Variants in PLG observed in about 807,000 individuals in gnomAD.
PLG encodes the protein plasminogen.
PLG carries 41 observed loss-of-function variants against 104.4 expected under a neutral mutation model. The observed-to-expected ratio is 0.39, with a 90% confidence interval of 0.31 to 0.51. The LOEUF (loss-of-function observed/expected upper bound fraction) is 0.51. Among genes scored for constraint, PLG ranks in the 20% least tolerant of loss-of-function variants. PLG has a pLI of 0.76. For synonymous variants in PLG, 337 were observed against 357.1 expected (o/e 0.94, Z 0.63); for missense variants, 891 against 1,003.6 (o/e 0.89, Z 1.52).
rs1179234154 is a variant in PLG, at chr6:160,718,840, T to TAAGC, written c.1096+6_1096+9dup. The TAAGC allele has an allele frequency of 1.9e-6, 3 of 1,613,630 alleles. No individual in the cohort carries two copies. The African/African-American group carries it at 4.0e-5, about 22-fold the overall frequency. On this transcript the variant is annotated splice_region_variant and intron_variant, in intron 9 of 18. Transcript: ENST00000308192. ...CCACGGAACAATTGGCTCCCACAGG[T>TAAGC]AAGCAAGGGTATGGGAGCTTACTGA...
chr6:160,730,100 G>A (rs987506810), intron 10 of PLG, among the ~76,000 whole-genome samples: 1 of 152,174 alleles, frequency 6.6e-6, no homozygotes, highest in African/African-American at 2.4e-5. Flanking sequence ...TGAGGATTCT[G>A]AGAGGTTGGA....
intron 4 of PLG, chr6:160,711,752 G>A: frequency 6.2e-7 from 1 of 1,602,914 alleles, no homozygotes; most frequent in South Asian, 1.1e-5. Context: ...CCAAATCTGA[G>A]AAAAGATCAA....
intron 5 of PLG, 170 bp downstream of exon 5, chr6:160,713,295 A>T (rs1431331745): frequency 7.9e-6 from 5 of 630,228 alleles, no homozygotes; most frequent in Non-Finnish European, 1.4e-5. Flanking sequence ...TCTGAGACAG[A>T]GTTTTGCTCT....
chr6:160,745,975 C>T lies in PLG; in HGVS notation c.2125+4558C>T, dbSNP rs376963532. ...AGGCCCCAATATCTTCTAGCTTGTA[C>T]GGGTTCAGTTGAGAGGTATGCTGTT... On this transcript the variant is annotated intron_variant, in intron 17 of 18. Coordinates refer to ENST00000308192, the MANE Select transcript of PLG (RefSeq NM_000301.5). Among the ~76,000 whole-genome samples the T allele has an allele frequency of 3.2e-4, 48 of 152,256 alleles. 1 individual carries two copies. Among genetic ancestry groups the T allele is most frequent in the South Asian group, 1.0e-3 (5 of 4,820 alleles).
chr6:160,718,486 T>G (rs374145595), intron 8 of PLG, 30 bp downstream of exon 8: 2 of 1,564,040 alleles, frequency 1.3e-6, no homozygotes, highest in African/African-American at 2.7e-5. Flanking sequence ...ATTCTGCTGC[T>G]ATGGAATGTG....
chr6:160,752,919 T>C lies in PLG; in HGVS notation c.2291T>C (p.Leu764Pro). The C allele has an allele frequency of 6.2e-7, 1 of 1,613,744 alleles. No individual in the cohort carries two copies. The highest frequency in any genetic ancestry group is 8.5e-7 in the Non-Finnish European group (1 of 1,179,684). Residue 764 changes from leucine (L) to proline (P), a missense_variant, in exon 19 of 19, where the codon CTG becomes CCG. Leu to Pro is a moderately conservative substitution (Grantham distance 98, BLOSUM62 -3). Transcript: ENST00000308192. The surrounding 1 kb of genome is among the most constrained non-coding windows in gnomAD (Gnocchi z 4.7). The part of the protein sequence containing the change: ...DSCQGDSGGP[L>P]VCFEKDKYIL... ...GTATAGGGTGACAGTGGAGGTCCTC[T>C]GGTTTGCTTCGAGAAGGACAAATAC...
At position 160,726,953 on chromosome 6, in the gene PLG, A is replaced by C. The variant is rs1451672069; in HGVS notation, c.1257-4098A>C. 6.6e-6 allele frequency among the ~76,000 whole-genome samples: 1 copy of C among 152,016 alleles called. No individual in the cohort carries two copies. The highest frequency in any genetic ancestry group is 1.5e-5 in the Non-Finnish European group (1 of 67,868). ...AAATCTGTGAAATCCAGTGTATAAG[A>C]ATATAGACAAACAATTGAGTAAATC... On this transcript the variant is annotated intron_variant, in intron 10 of 18. Coordinates refer to ENST00000308192, the MANE Select transcript of PLG (RefSeq NM_000301.5). The surrounding 1 kb of genome is among the most constrained non-coding windows in gnomAD (Gnocchi z 4.4).
chr6:160,718,518 A>C (rs1381699841), intron 8 of PLG, 62 bp downstream of exon 8: 9 of 1,453,152 alleles, frequency 6.2e-6, no homozygotes, highest in Non-Finnish European at 8.7e-6. Context: ...ACTTTGCCTT[A>C]GTTTTAGTTA....
intron 17 of PLG, among the ~76,000 whole-genome samples, chr6:160,748,404 G>GAAAGAAATAAAGAA (rs1554252975): frequency 1.7e-5 from 1 of 59,964 alleles, no homozygotes; most frequent in Non-Finnish European, 3.1e-5. Flanking sequence ...AAGAAAGGAA[G>GAAAGAAATAAAGAA]AAAGAAAGAA....
intron 1 of PLG, among the ~76,000 whole-genome samples, chr6:160,704,462 C>G (rs1381366202): frequency 1.3e-5 from 2 of 152,204 alleles, no homozygotes. Context: ...GAAAGTTTAA[C>G]TGAACTCACT....
intron 1 of PLG, chr6:160,705,338 C>T (rs1777501564): frequency 6.6e-6 from 1 of 152,216 alleles, no homozygotes. Context: ...CCCTTGGCCA[C>T]CCTCTGCCAC....
At chr6:160,713,217 T>C in intron 5 of PLG, 92 bp downstream of exon 5, 1 of 1,007,630 alleles carries the variant, frequency 9.9e-7, no homozygotes, top group Admixed American at 1.7e-5. Context: ...ATGTTATTAA[T>C]AATTGAGTAA....
At position 160,748,358 on chromosome 6, in the gene PLG, A is replaced by AAGAAAGAAAGAAAGAAAGAGAGAGAGAG. The variant is rs1562383262; in HGVS notation, c.2126-3738_2126-3737insGAGAGAGAGAGAAAGAAAGAAAGAAAGA. On this transcript the variant is annotated intron_variant, in intron 17 of 18. Coordinates refer to ENST00000308192, the MANE Select transcript of PLG (RefSeq NM_000301.5). ...AGAAGGAAGAAAAGAAAGAGAAAGA[A>AAGAAAGAAAGAAAGAAAGAGAGAGAGAG]AGAAAGAAAGAAAGAAAGAAAGAAA... 9.0e-3 allele frequency among the ~76,000 whole-genome samples: 316 copies of AAGAAAGAAAGAAAGAAAGAGAGAGAGAG among 35,170 alleles called. 2 individuals carry two copies. Among genetic ancestry groups the AAGAAAGAAAGAAAGAAAGAGAGAGAGAG allele is most frequent in the East Asian group, 0.049 (4 of 82 alleles). 23.1% of individuals were successfully genotyped at this position (35,170 alleles called of 152,430 possible). A position where few individuals can be genotyped will look rare whatever the true frequency, so the allele number is the denominator to read the frequency against.
At chr6:160,709,753 T>A (rs1225747224) in intron 3 of PLG, among the ~76,000 whole-genome samples, 1 of 152,224 alleles carries the variant, frequency 6.6e-6, no homozygotes, top group Non-Finnish European at 1.5e-5. Flanking sequence ...TAATACTATG[T>A]CCCAATGAAG....
At chr6:160,747,547 C>T (rs1405598250) in intron 17 of PLG, among the ~76,000 whole-genome samples, 1 of 152,218 alleles carries the variant, frequency 6.6e-6, no homozygotes. Flanking sequence ...GCTCTAACCC[C>T]TCATTCAAAA....
At chr6:160,721,734 C>T (rs1366142792) in intron 9 of PLG, among the ~76,000 whole-genome samples, 3 of 152,176 alleles carry the variant, frequency 2.0e-5, no homozygotes, top group Non-Finnish European at 2.9e-5. Flanking sequence ...GAGCACAGCT[C>T]GGCTTTGAAA....
intron 12 of PLG, among the ~76,000 whole-genome samples, chr6:160,733,571 G>T (rs958963762): frequency 3.3e-5 from 5 of 152,006 alleles, no homozygotes; most frequent in African/African-American, 9.7e-5. Context: ...TGAGCATGGT[G>T]GCTCACACCT....
chr6:160,711,594 C>A, intron 4 of PLG: 17 of 1,609,878 alleles, frequency 1.1e-5, no homozygotes, highest in South Asian at 2.2e-5. Context: ...TAGAAAGAAT[C>A]TTTTTGATGT....
chr6:160,727,376 T>TAA (rs145282296), intron 10 of PLG, among the ~76,000 whole-genome samples: 1 of 149,848 alleles, frequency 6.7e-6, no homozygotes, highest in African/African-American at 2.5e-5. Flanking sequence ...TGTTATTATT[T>TAA]AAAAAAAATC....
Sources: allele counts gnomAD v4.1 joint callset (sites outside exome capture counted in the v4.1 genomes callset), GRCh38; gene constraint gnomAD v4.1.1; non-coding constraint Gnocchi (gnomAD v3.1); transcripts MANE v1.5; gene names NCBI Gene and HGNC (gene_info 2026-07-23, HGNC 2026-07-21).